The following TMF1 variants were observed in gnomAD, a reference collection of about 807,000 sequenced individuals.
The protein encoded by TMF1 is TATA element modulatory factor.
A neutral mutation model predicts 126.5 loss-of-function variants in TMF1; 71 were observed. That is an observed-to-expected ratio of 0.56 (90% CI 0.46 to 0.68). The LOEUF is 0.68. Ranked by LOEUF, TMF1 falls within the 30% of genes least tolerant of loss-of-function variation. The pLI is 0.00. For synonymous variants in TMF1, 461 were observed against 430.5 expected (o/e 1.07, Z -0.88); for missense variants, 1,259 against 1,253.2 (o/e 1.00, Z -0.07).
rs1040456262 is a variant in TMF1 at position 69,027,414 on chromosome 3, A to G, written c.2757+486T>C. ...ACTGGTTTCAGTGACAGACAATTAA[A>G]TTCATTTTTAAAAAGGGCAAGAGGT... On this transcript the variant is annotated intron_variant, in intron 13 of 16. Coordinates refer to ENST00000398559, the MANE Select transcript of TMF1 (RefSeq NM_007114.3). Among the ~76,000 whole-genome samples, 3 of 152,220 alleles carry G rather than the reference A, an allele frequency of 2.0e-5. No individual in the cohort carries two copies. The South Asian group carries it at 6.2e-4, about 31-fold the overall frequency.
rs778270542 is a variant in TMF1 at position 69,048,254 on chromosome 3, G to C, written c.451C>G (p.Gln151Glu). 6.2e-7 allele frequency: 1 copy of C among 1,614,174 alleles called. No homozygotes were observed. The highest frequency in any genetic ancestry group is 2.2e-5 in the East Asian group (1 of 44,884). The change falls in exon 2 of 17, where the codon CAA (glutamine) becomes GAA (glutamate). Residue 151 changes from glutamine (Q) to glutamate (E), a missense_variant. Transcript: ENST00000398559. ...QSRTPETTES[Q>E]VKDSSLCVSG... ...ACACACAAAGAAGAGTCTTTTACTT[G>C]TGATTCAGTTGTTTCAGGAGTTCTT...
chr3:69,030,294 T>G, intron 10 of TMF1: 1 of 258,136 alleles, frequency 3.9e-6, no homozygotes, highest in Non-Finnish European at 7.3e-6. Flanking sequence ...GACAGCTATA[T>G]GCAAAAAAAC....
rs143046655 is a variant in TMF1 at position 69,048,397 on chromosome 3, G to T, written c.308C>A (p.Pro103Gln). The change falls in exon 2 of 17, where the codon CCA (proline) becomes CAA (glutamine). Residue 103 changes from proline to glutamine, a missense_variant. Transcript: ENST00000398559. ...SENFFSAFLS[P>Q]TDVQTIQKSP... is the part of the protein sequence containing the mutation. ...CTTCTGAATGGTCTGGACATCAGTT[G>T]GCGAGAGAAAGGCACTGAAGAAATT... 6.2e-7 allele frequency: 1 copy of T among 1,614,092 alleles called. No homozygotes were observed. Among genetic ancestry groups the T allele is most frequent in the Non-Finnish European group, 8.5e-7 (1 of 1,180,022 alleles).
At position 69,027,375 on chromosome 3, in the gene TMF1, A is replaced by G. The variant is rs372551913; in HGVS notation, c.2757+525T>C. ...AGACTTACTCCTTAAGTGCCTATAG[A>G]CCAAATGATGTGCACTGGTTTCAGT... On this transcript the variant is annotated intron_variant, in intron 13 of 16. Transcript: ENST00000398559. Among the ~76,000 whole-genome samples the G allele has an allele frequency of 9.2e-5, 14 of 152,300 alleles. 1 individual carries two copies. In the South Asian group the frequency reaches 2.7e-3, roughly 29 times the overall value.
At chr3:69,027,828 T>C in intron 13 of TMF1, 72 bp downstream of exon 13, 1 of 772,052 alleles carries the variant, frequency 1.3e-6, no homozygotes, top group Non-Finnish European at 2.1e-6. Flanking sequence ...TAGCTAAAAT[T>C]AAAAAGCAAT....
At chr3:69,027,472 C>G in intron 13 of TMF1, among the ~76,000 whole-genome samples, 1 of 152,098 alleles carries the variant, frequency 6.6e-6, no homozygotes, top group East Asian at 1.9e-4. Flanking sequence ...TCATAGATCT[C>G]TTTGGATAAA....
rs1444958975 is a variant in TMF1 at position 69,020,416 on chromosome 3, G to A, written c.*2761C>T. On this transcript the variant is annotated 3_prime_UTR_variant, in exon 17 of 17. Coordinates refer to ENST00000398559, the MANE Select transcript of TMF1 (RefSeq NM_007114.3). ...AGAATTGGAAGGACATCTACAGTCTGTGCTTAATTGTCTATAAATGACCAA... is the reference window on the plus strand; with the variant it reads ...AGAATTGGAAGGACATCTACAGTCTATGCTTAATTGTCTATAAATGACCAA... 6.6e-6 allele frequency: 1 copy of A among 152,120 alleles called. No individual in the cohort carries two copies. Among genetic ancestry groups the A allele is most frequent in the East Asian group, 1.9e-4 (1 of 5,206 alleles). 9.4% of individuals were successfully genotyped at this position (152,120 alleles called of 1,614,324 possible).
chr3:69,038,868 G>A lies in TMF1; in HGVS notation c.1969C>T (p.Gln657Ter), dbSNP rs200769311. ...TTGTATGCACTATCCAGGGCAGCCT[G>A]AATACTTCGGTTCTTTTCTTCAAGT... Reference protein sequence around the residue: ...DELEEKNRSIQAALDSAYKEL... With the variant: ...DELEEKNRSI The change falls in exon 7 of 17, where the codon CAG becomes TAG. Residue 657 changes from glutamine (Q) to a stop codon, truncating the protein, a stop_gained. Transcript: ENST00000398559. LOFTEE classifies it high-confidence loss of function. 6.2e-7 allele frequency: 1 copy of A among 1,609,288 alleles called. No individual in the cohort carries two copies. The highest frequency in any genetic ancestry group is 8.5e-7 in the Non-Finnish European group (1 of 1,178,300).
chr3:69,035,448 G>A (rs2091826691), intron 8 of TMF1: 1 of 192,318 alleles, frequency 5.2e-6, no homozygotes, highest in Non-Finnish European at 1.1e-5. Context: ...GGTGCTATAC[G>A]GATTATAAAA....
At chr3:69,038,347 G>C (rs923509255) in intron 8 of TMF1, among the ~76,000 whole-genome samples, 2 of 151,676 alleles carry the variant, frequency 1.3e-5, no homozygotes, top group African/African-American at 4.8e-5. Context: ...CTCTCAAATG[G>C]GTCTAAAACT....
rs749062344 is a variant in TMF1 at position 69,044,607 on chromosome 3, G to C, written c.1348-12C>G. ...AGAAATTCAACTGTCTGGATAAGGC[G>C]AATACATAAAAGTCAGAACGCTTAG... On this transcript the variant is annotated splice_polypyrimidine_tract_variant and intron_variant, in intron 2 of 16. Coordinates refer to ENST00000398559, the MANE Select transcript of TMF1 (RefSeq NM_007114.3). 1 of 1,566,376 alleles carries C rather than the reference G, an allele frequency of 6.4e-7. No homozygotes were observed. The highest frequency in any genetic ancestry group is 1.8e-5 in the Admixed American group (1 of 54,308).
At chr3:69,030,327 A>G (rs960866804) in intron 10 of TMF1, 1 of 196,658 alleles carries the variant, frequency 5.1e-6, no homozygotes, top group Non-Finnish European at 1.0e-5. Flanking sequence ...ACATCACATC[A>G]TTCACGAAAA....
rs764958080 is a variant in TMF1 at position 69,039,618 on chromosome 3, T to C, written c.1760A>G (p.Glu587Gly). ...KKLRAKDKEN[E>G]NMVAKLNKKV... The stretch of plus-strand genomic sequence containing the variant: ...TTTGTTCAGCTTTGCAACCATATTT[T>C]CATTCTCCTTGTCTTTAGCTCTTAA... Residue 587 changes from glutamate (E) to glycine (G), a missense_variant, in exon 6 of 17, where the codon GAA (glutamate) becomes GGA (glycine). Transcript: ENST00000398559. 4.3e-6 allele frequency: 7 copies of C among 1,613,778 alleles called. No individual in the cohort carries two copies. The African/African-American group carries it at 9.3e-5, about 22-fold the overall frequency.
chr3:69,024,345 G>T, intron 15 of TMF1, 165 bp from the exon 16 acceptor site: 1 of 531,680 alleles, frequency 1.9e-6, no homozygotes, highest in Non-Finnish European at 3.0e-6. Context: ...GGAAACAGTG[G>T]CAGAAAAACG....
chr3:69,019,905 C>A lies in TMF1; in HGVS notation c.*3272G>T, dbSNP rs2091720435. The A allele has an allele frequency of 6.6e-6, 1 of 152,016 alleles. No homozygotes were observed. The highest frequency in any genetic ancestry group is 6.5e-5 in the Admixed American group (1 of 15,272). The allele number at this position is 152,016 out of a possible 1,614,324, so 9.4% of individuals were successfully genotyped here. On this transcript the variant is annotated 3_prime_UTR_variant, in exon 17 of 17. Coordinates refer to ENST00000398559, the MANE Select transcript of TMF1 (RefSeq NM_007114.3). ...TCATTTAGAATTAAAATATATCAATCTGTAGTTTAAATCATACTTTCAGCC... is the reference window on the plus strand; with the variant it reads ...TCATTTAGAATTAAAATATATCAATATGTAGTTTAAATCATACTTTCAGCC...
rs765584572 is a variant in TMF1, at chr3:69,039,001, A to T, written c.1836T>A (p.Asp612Glu). ...EELQHLKQVL[D>E]GKEEVEKQHR... ...GTTGTTTCTCAACCTCTTCTTTGCC[A>T]TCAAGGACCTATATGTTATAAAAAC... Residue 612 changes from aspartate (D) to glutamate (E), a missense_variant, in exon 7 of 17, where the codon GAT (aspartate) becomes GAA (glutamate). Coordinates refer to ENST00000398559, the MANE Select transcript of TMF1 (RefSeq NM_007114.3). 1 of 1,586,704 alleles carries T rather than the reference A, an allele frequency of 6.3e-7. No homozygotes were observed. Among genetic ancestry groups the T allele is most frequent in the Non-Finnish European group, 8.6e-7 (1 of 1,168,502 alleles).
chr3:69,023,383 T>C (rs551974466), intron 16 of TMF1, 63 bp from the exon 17 acceptor site: 1 of 1,340,458 alleles, frequency 7.5e-7, no homozygotes, highest in South Asian at 1.3e-5. Context: ...AATATTTATA[T>C]TGCCATAGGA....
intron 1 of TMF1, among the ~76,000 whole-genome samples, chr3:69,050,488 T>C (rs2091921370): frequency 6.6e-6 from 1 of 152,178 alleles, no homozygotes; most frequent in Non-Finnish European, 1.5e-5. Flanking sequence ...GGAATTAATT[T>C]TGCCTCTTGG....
intron 13 of TMF1, among the ~76,000 whole-genome samples, 154 bp from the exon 14 acceptor site, chr3:69,026,251 A>AG (rs2091766658): frequency 6.6e-6 from 1 of 152,212 alleles, no homozygotes; most frequent in Admixed American, 6.5e-5. Context: ...AAGAAAAAAA[A>AG]CTTTTTTAAG....
Sources: allele counts gnomAD v4.1 joint callset (sites outside exome capture counted in the v4.1 genomes callset), GRCh38; gene constraint gnomAD v4.1.1; transcripts MANE v1.5; gene names NCBI Gene and HGNC (gene_info 2026-07-23, HGNC 2026-07-21).